Variants in KDM1B observed in about 807,000 individuals in gnomAD.
KDM1B encodes the protein lysine-specific histone demethylase 2.
A neutral mutation model predicts 107.4 loss-of-function variants in KDM1B; 63 were observed. That is an observed-to-expected ratio of 0.59 (90% CI 0.48 to 0.72). The LOEUF (loss-of-function observed/expected upper bound fraction) is 0.72, where lower values mean the gene tolerates loss of function less well. KDM1B is among the 30% of genes least tolerant of loss of function. The pLI is 0.00. For synonymous variants in KDM1B, 363 were observed against 363.9 expected, an observed-to-expected ratio of 1.00 and a Z score of 0.03; for missense variants, 749 against 1,020.8, an observed-to-expected ratio of 0.73 and a Z score of 3.63.
chr6:18,220,331 C>T (rs1217737371), intron 21 of KDM1B, among the ~76,000 whole-genome samples: 2 of 152,138 alleles, frequency 1.3e-5, no homozygotes, highest in African/African-American at 4.8e-5. Context: ...GGTGTATCAC[C>T]TGAGGCCAGG....
At position 18,211,282 on chromosome 6, in the gene KDM1B, G is replaced by A. The variant is rs1293875940; in HGVS notation, c.1867-1206G>A. 6.6e-6 allele frequency among the ~76,000 whole-genome samples: 1 copy of A among 152,152 alleles called. No individual in the cohort carries two copies. The highest frequency in any genetic ancestry group is 2.4e-5 in the African/African-American group (1 of 41,424). On this transcript the variant is annotated intron_variant, in intron 17 of 21. Coordinates refer to ENST00000650836, the MANE Select transcript of KDM1B (RefSeq NM_001364614.2). The surrounding 1 kb of genome is among the most constrained non-coding windows in gnomAD (Gnocchi z 5.2). Reference sequence around the variant, plus strand: ...ATCTTTGAAGCCTCAGGTAGATTGGGTGCTTGGTCTTCAACTCCATTCCAC... The same window carrying A: ...ATCTTTGAAGCCTCAGGTAGATTGGATGCTTGGTCTTCAACTCCATTCCAC...
chr6:18,161,861 C>T lies in KDM1B; in HGVS notation c.215+407C>T, dbSNP rs552341836. 4.6e-4 allele frequency among the ~76,000 whole-genome samples: 70 copies of T among 152,226 alleles called. 1 individual carries two copies. Among genetic ancestry groups the T allele is most frequent in the Admixed American group, 1.0e-3 (16 of 15,302 alleles). On this transcript the variant is annotated intron_variant, in intron 4 of 21. Coordinates refer to ENST00000650836, the MANE Select transcript of KDM1B (RefSeq NM_001364614.2). ...AACATGCCACCTCTTCCCATACGCA[C>T]ATACAGGTCTCATAGAAACTACAGC... is the stretch of plus-strand genomic sequence containing the variant.
At chr6:18,171,189 C>T (rs1009968930) in intron 6 of KDM1B, among the ~76,000 whole-genome samples, 174 bp from the exon 7 acceptor site, 2 of 152,134 alleles carry the variant, frequency 1.3e-5, no homozygotes, top group Non-Finnish European at 2.9e-5. Context: ...AGTATTAAAT[C>T]AGAAATTATC....
rs947522308 is a variant in KDM1B, at chr6:18,209,045, C to T, written c.1866+839C>T. On this transcript the variant is annotated intron_variant, in intron 17 of 21. Coordinates refer to ENST00000650836, the MANE Select transcript of KDM1B (RefSeq NM_001364614.2). This position sits in a 1 kb window ranked among gnomAD's most constrained non-coding sequence, Gnocchi z 4.3. ...GTGCTCTCCACATTTTTTTAAACCA[C>T]GGAATCCTTCTTCAGATCAGGAAAG... Among the ~76,000 whole-genome samples, 24 of 152,148 alleles carry T rather than the reference C, an allele frequency of 1.6e-4. No individual in the cohort carries two copies. The highest frequency in any genetic ancestry group is 2.1e-4 in the South Asian group (1 of 4,824).
intron 21 of KDM1B, among the ~76,000 whole-genome samples, chr6:18,220,678 G>A (rs971283124): frequency 2.6e-5 from 4 of 152,150 alleles, no homozygotes; most frequent in Admixed American, 2.0e-4. Context: ...TCGGAGAGAC[G>A]GCTGTTTCAG....
intron 7 of KDM1B, among the ~76,000 whole-genome samples, chr6:18,178,004 G>T (rs1308128730): frequency 6.6e-6 from 1 of 152,064 alleles, no homozygotes; most frequent in Non-Finnish European, 1.5e-5. Context: ...ATTCACTGAG[G>T]ATATCTTTTG....
Position 18,222,693 on chromosome 6 carries a change from C to A in KDM1B, c.*701C>A, listed in dbSNP as rs1789852923. ...GATAGGTATTGTATCATTGAGAATG[C>A]AGCACAGATAGTGTGGGCTTCACAC... On this transcript the variant is annotated 3_prime_UTR_variant, in exon 22 of 22. Coordinates refer to ENST00000650836, the MANE Select transcript of KDM1B (RefSeq NM_001364614.2). The A allele has an allele frequency of 6.4e-6, 1 of 155,436 alleles. No homozygotes were observed. The highest frequency in any genetic ancestry group is 1.4e-5 in the Non-Finnish European group (1 of 70,046). The allele number at this position is 155,436 out of a possible 1,614,324, so 9.6% of individuals were successfully genotyped here.
chr6:18,183,205 T>C (rs1388372600), intron 7 of KDM1B, among the ~76,000 whole-genome samples: 2 of 151,884 alleles, frequency 1.3e-5, no homozygotes, highest in African/African-American at 2.4e-5. Context: ...TCAGTAGTTA[T>C]TATGCTTCCT....
rs972363118 is a variant in KDM1B at position 18,223,014 on chromosome 6, ATTTAC to A, written c.*1026_*1030del. On this transcript the variant is annotated 3_prime_UTR_variant, in exon 22 of 22. Coordinates refer to ENST00000650836, the MANE Select transcript of KDM1B (RefSeq NM_001364614.2). ...TTAAAGGCCTAAGAACATGGCAAGT[ATTTAC>A]TTTTATCTTTTTTTTAAAAACACTC... 1.3e-5 allele frequency: 2 copies of A among 152,562 alleles called. No individual in the cohort carries two copies. Among genetic ancestry groups the A allele is most frequent in the African/African-American group, 4.8e-5 (2 of 41,422 alleles). The allele number at this position is 152,562 out of a possible 1,614,324, so 9.5% of individuals were successfully genotyped here.
chr6:18,217,406 T>C (rs1235849264), intron 20 of KDM1B, among the ~76,000 whole-genome samples: 1 of 142,862 alleles, frequency 7.0e-6, no homozygotes, highest in Non-Finnish European at 1.5e-5. Flanking sequence ...TGAGATGGAG[T>C]CTGGCTCTGT....
rs565041026 is a variant in KDM1B, at chr6:18,209,644, C to T, written c.1866+1438C>T. ...TTTCAGAGACAGGGTCTCAGTCTGTCGCCCAGGCTGGAGTGCAGTGGCACA... is the reference window on the plus strand; with the variant it reads ...TTTCAGAGACAGGGTCTCAGTCTGTTGCCCAGGCTGGAGTGCAGTGGCACA... On this transcript the variant is annotated intron_variant, in intron 17 of 21. Transcript: ENST00000650836. The surrounding 1 kb of genome is among the most constrained non-coding windows in gnomAD (Gnocchi z 4.3). Among the ~76,000 whole-genome samples, 9 of 152,128 alleles carry T rather than the reference C, an allele frequency of 5.9e-5. No homozygotes were observed. Among genetic ancestry groups the T allele is most frequent in the Non-Finnish European group, 8.8e-5 (6 of 68,022 alleles).
chr6:18,217,629 A>G (rs529700273), intron 20 of KDM1B, 104 bp from the exon 21 acceptor site: 113 of 856,674 alleles, frequency 1.3e-4, no homozygotes, highest in East Asian at 3.5e-4. Context: ...CACCCGCCTT[A>G]GCCTCCCAAA....
At chr6:18,181,879 C>A (rs1786506990) in intron 7 of KDM1B, among the ~76,000 whole-genome samples, 1 of 152,048 alleles carries the variant, frequency 6.6e-6, no homozygotes, top group South Asian at 2.1e-4. Flanking sequence ...ATAACACTTC[C>A]TTTTCTTCTC....
rs560660812 is a variant in KDM1B, at chr6:18,197,457, T to C, written c.1147-130T>C. The C allele has an allele frequency of 1.2e-6, 1 of 837,792 alleles. No individual in the cohort carries two copies. Among genetic ancestry groups the C allele is most frequent in the South Asian group, 1.5e-5 (1 of 65,984 alleles). The allele number at this position is 837,792 out of a possible 1,614,324, so 51.9% of individuals were successfully genotyped here. A position where few individuals can be genotyped will look rare whatever the true frequency, so the allele number is the denominator to read the frequency against. ...ATAAGACAAGTGCCACCACATTCTTTAGGAAAATAACTTTCTAAGGACATC... is the reference window on the plus strand; with the variant it reads ...ATAAGACAAGTGCCACCACATTCTTCAGGAAAATAACTTTCTAAGGACATC... On this transcript the variant is annotated intron_variant, in intron 11 of 21. Coordinates refer to ENST00000650836, the MANE Select transcript of KDM1B (RefSeq NM_001364614.2). The surrounding 1 kb of genome is among the most constrained non-coding windows in gnomAD (Gnocchi z 4.5).
rs58897300 is a variant in KDM1B at position 18,184,736 on chromosome 6, C to CTTTTTTTTTTTTTTTT, written c.535-1027_535-1012dup. Among the ~76,000 whole-genome samples the CTTTTTTTTTTTTTTTT allele has an allele frequency of 5.8e-4, 38 of 65,450 alleles. 5 individuals carry two copies. Among genetic ancestry groups the CTTTTTTTTTTTTTTTT allele is most frequent in the Admixed American group, 7.8e-4 (3 of 3,834 alleles). The allele number at this position is 65,450 out of a possible 152,430, so 42.9% of individuals were successfully genotyped here. A position where few individuals can be genotyped will look rare whatever the true frequency, so the allele number is the denominator to read the frequency against. ...CTTTGGGTTGTTTCTAGCTTTTTTC[C>CTTTTTTTTTTTTTTTT]TTTTTTTTTTTTTTTTTTTTTTTTA... On this transcript the variant is annotated intron_variant, in intron 7 of 21. Transcript: ENST00000650836.
chr6:18,191,039 G>A lies in KDM1B; in HGVS notation c.785-158G>A, dbSNP rs114367330. On this transcript the variant is annotated intron_variant, in intron 9 of 21. Coordinates refer to ENST00000650836, the MANE Select transcript of KDM1B (RefSeq NM_001364614.2). This position sits in a 1 kb window ranked among gnomAD's most constrained non-coding sequence, Gnocchi z 5.1. ...AGAATGAGAAAAATACTTAATTTAT[G>A]TACGTTTTGTCTAACTGGGTGGAGG... is the stretch of plus-strand genomic sequence containing the variant. Among the ~76,000 whole-genome samples the A allele has an allele frequency of 5.4e-3, 819 of 152,260 alleles. 5 individuals are homozygous for A. The highest frequency in any genetic ancestry group is 0.01 in the Middle Eastern group (3 of 294).
chr6:18,198,581 T>C (rs1043911315), intron 12 of KDM1B, among the ~76,000 whole-genome samples: 21 of 133,954 alleles, frequency 1.6e-4, no homozygotes, highest in Non-Finnish European at 2.3e-4. Flanking sequence ...GAGCTTGCAG[T>C]GAGCCAAGAT....
In KDM1B at chr6:18,191,294, CTA is replaced by C; in HGVS notation, c.884_885del (p.Tyr295Ter). 6 of 1,550,880 alleles carry C rather than the reference CTA, an allele frequency of 3.9e-6. No individual in the cohort carries two copies. Among genetic ancestry groups the C allele is most frequent in the Non-Finnish European group, 5.2e-6 (6 of 1,147,072 alleles). On this transcript the variant is annotated frameshift_variant, in exon 10 of 22. Transcript: ENST00000650836. LOFTEE classifies it high-confidence loss of function. The surrounding 1 kb of genome is among the most constrained non-coding windows in gnomAD (Gnocchi z 5.1). Reference protein sequence around the residue: ...RPDVMELDELYEFPEYSRDPT... With the variant: ...RPDVMELDELXEFPEYSRDPT... ...CGGATGTGATGGAACTGGATGAGCT[CTA>C]TGAGTTTCCAGAGTATTCCCGAGAC...
rs527505644 is a variant in KDM1B, at chr6:18,223,516, T to G, written c.*1524T>G. ...TTAAAATGTTTAGACAGCATGTGTT[T>G]TAAAGTGATAAATGCAAAATGTTAA... is the stretch of plus-strand genomic sequence containing the variant. On this transcript the variant is annotated 3_prime_UTR_variant, in exon 22 of 22. Coordinates refer to ENST00000650836, the MANE Select transcript of KDM1B (RefSeq NM_001364614.2). 6.6e-6 allele frequency: 1 copy of G among 152,310 alleles called. No individual in the cohort carries two copies. The highest frequency in any genetic ancestry group is 2.1e-4 in the South Asian group (1 of 4,830). The allele number at this position is 152,310 out of a possible 1,614,324, so 9.4% of individuals were successfully genotyped here.
Sources: allele counts gnomAD v4.1 joint callset (sites outside exome capture counted in the v4.1 genomes callset), GRCh38; gene constraint gnomAD v4.1.1; non-coding constraint Gnocchi (gnomAD v3.1); transcripts MANE v1.5; gene names NCBI Gene and HGNC (gene_info 2026-07-23, HGNC 2026-07-21).